The following TTC39B variants were observed in gnomAD, a reference collection of about 807,000 sequenced individuals.
TTC39B encodes the protein tetratricopeptide repeat protein 39B.
TTC39B carries 92 observed loss-of-function variants against 96.6 expected under a neutral mutation model. The observed-to-expected ratio is 0.95, with a 90% CI of 0.80 to 1.13. The LOEUF (loss-of-function observed/expected upper bound fraction) is 1.13, where lower values mean the gene tolerates loss of function less well. Ranked by LOEUF, TTC39B falls within the 50% of genes most tolerant of loss-of-function variation. The pLI is 0.00. For synonymous variants in TTC39B, 367 were observed against 299.4 expected (o/e 1.23, Z -2.33); for missense variants, 955 against 809.3 (o/e 1.18, Z -2.18).
chr9:15,299,911 G>A (rs917931437), intron 1 of TTC39B, among the ~76,000 whole-genome samples: 6 of 152,028 alleles, frequency 3.9e-5, no homozygotes, highest in Admixed American at 2.6e-4. Flanking sequence ...GAAGGAAGTG[G>A]GTATCCAGGT....
chr9:15,272,670 T>C (rs1424192684), intron 1 of TTC39B, among the ~76,000 whole-genome samples: 2 of 152,216 alleles, frequency 1.3e-5, no homozygotes, highest in African/African-American at 2.4e-5. Flanking sequence ...AGAGCCTATC[T>C]TGACTCTCTA....
intron 1 of TTC39B, among the ~76,000 whole-genome samples, chr9:15,275,264 C>T (rs1243331527): frequency 2.0e-5 from 3 of 152,192 alleles, no homozygotes; most frequent in Non-Finnish European, 4.4e-5. Flanking sequence ...TGGTCTTGAA[C>T]TCCTGACCTC....
chr9:15,287,717 G>A (rs1563790522), intron 1 of TTC39B, among the ~76,000 whole-genome samples: 1 of 152,068 alleles, frequency 6.6e-6, no homozygotes, highest in East Asian at 1.9e-4. Flanking sequence ...CTGGCTGGGC[G>A]CAGTGGCTCA....
chr9:15,216,345 T>C (rs535753607), intron 3 of TTC39B, among the ~76,000 whole-genome samples: 6 of 152,290 alleles, frequency 3.9e-5, no homozygotes, highest in South Asian at 2.1e-4. Flanking sequence ...CGGGTACAAC[T>C]GCTCTGAGTA....
intron 2 of TTC39B, among the ~76,000 whole-genome samples, chr9:15,259,346 A>C (rs1446641167): frequency 6.6e-6 from 1 of 152,210 alleles, no homozygotes; most frequent in Non-Finnish European, 1.5e-5. Context: ...GTTGGGGGTT[A>C]CACCATTTAT....
intron 1 of TTC39B, among the ~76,000 whole-genome samples, chr9:15,294,194 T>C (rs965105350): frequency 2.2e-5 from 3 of 134,130 alleles, no homozygotes; most frequent in African/African-American, 5.7e-5. Context: ...GAGCAGTCTA[T>C]TGTCAGCTGC....
chr9:15,208,586 C>T (rs1564347703), intron 6 of TTC39B, among the ~76,000 whole-genome samples: 2 of 152,100 alleles, frequency 1.3e-5, no homozygotes, highest in African/African-American at 4.8e-5. Context: ...ACATAAGCAG[C>T]TCAAAGATGG....
At chr9:15,214,064 T>C in intron 4 of TTC39B, 75 bp downstream of exon 4, 2 of 1,156,716 alleles carry the variant, frequency 1.7e-6, no homozygotes, top group East Asian at 2.5e-5. Context: ...GCTAAATTAA[T>C]TTACAAGCAT....
chr9:15,296,954 T>C (rs1824403851), intron 1 of TTC39B, among the ~76,000 whole-genome samples: 1 of 152,042 alleles, frequency 6.6e-6, no homozygotes, highest in Admixed American at 6.5e-5. Context: ...ACCACTCTAA[T>C]CTAGCCTGTG....
chr9:15,299,804 A>T (rs1587037457), intron 1 of TTC39B, among the ~76,000 whole-genome samples: 1 of 152,290 alleles, frequency 6.6e-6, no homozygotes, highest in Non-Finnish European at 1.5e-5. Context: ...TGGTAACAGC[A>T]CCCATGGGCA....
chr9:15,262,652 G>T (rs1822986563), intron 2 of TTC39B, among the ~76,000 whole-genome samples: 2 of 152,098 alleles, frequency 1.3e-5, no homozygotes, highest in Admixed American at 1.3e-4. Flanking sequence ...TCTGTGTTGA[G>T]AGTGGTAAAT....
intron 1 of TTC39B, among the ~76,000 whole-genome samples, chr9:15,270,406 CA>C (rs942751660): frequency 3.8e-4 from 57 of 151,544 alleles, no homozygotes; most frequent in African/African-American, 1.4e-3. Flanking sequence ...ACTCCCTCTG[CA>C]CTTACCAACA....
At chr9:15,256,639 G>C (rs1394348964) in intron 2 of TTC39B, among the ~76,000 whole-genome samples, 1 of 152,208 alleles carries the variant, frequency 6.6e-6, no homozygotes, top group East Asian at 1.9e-4. Context: ...ACAGAGAAAT[G>C]GGGGAAGACT....
exon 14 of TTC39B, chr9:15,188,129 G>C (rs765758498): frequency 7.9e-5 from 126 of 1,596,774 alleles, no homozygotes; most frequent in Middle Eastern, 5.0e-4. Flanking sequence ...AATACTTCTT[G>C]TGCCTGTAAA....
intron 2 of TTC39B, among the ~76,000 whole-genome samples, chr9:15,265,137 C>A (rs1461173292): frequency 6.6e-6 from 1 of 152,152 alleles, no homozygotes; most frequent in Non-Finnish European, 1.5e-5. Context: ...TCTAAATTAA[C>A]TTCAGCTGGG....
intron 13 of TTC39B, among the ~76,000 whole-genome samples, chr9:15,188,588 A>T (rs912010319): frequency 2.0e-5 from 3 of 152,236 alleles, no homozygotes; most frequent in African/African-American, 7.2e-5. Context: ...GCAAAGATGT[A>T]AATAGGCAAA....
chr9:15,192,716 G>A (rs758532986), intron 8 of TTC39B, 21 bp from the exon 9 acceptor site: 3 of 1,552,174 alleles, frequency 1.9e-6, no homozygotes, highest in South Asian at 2.3e-5. Context: ...GAAAAAAAGT[G>A]ACAGCATAAG....
At chr9:15,198,461 A>T (rs1340702486) in intron 8 of TTC39B, among the ~76,000 whole-genome samples, 4 of 117,320 alleles carry the variant, frequency 3.4e-5, no homozygotes, top group African/African-American at 9.4e-5. Flanking sequence ...CGGTCGCAAA[A>T]ATATATATAT....
At chr9:15,264,963 T>A (rs1348899578) in intron 2 of TTC39B, among the ~76,000 whole-genome samples, 1 of 151,952 alleles carries the variant, frequency 6.6e-6, no homozygotes, top group Non-Finnish European at 1.5e-5. Flanking sequence ...AACACAGGCA[T>A]CTAGATCAAA....
Sources: gnomAD v4.1 joint callset for allele counts (sites outside exome capture counted in the v4.1 genomes callset) on GRCh38, gnomAD v4.1.1 for gene constraint, MANE v1.5 for transcripts, NCBI Gene and HGNC (gene_info 2026-07-23, HGNC 2026-07-21) for gene names.